Variants in ADGRE3 observed in about 807,000 individuals in gnomAD.
ADGRE3 encodes the protein EGF-like module receptor 3.
ADGRE3 carries 88 observed loss-of-function variants against 80.1 expected under a neutral mutation model. That is an observed-to-expected ratio of 1.10 (90% CI 0.93 to 1.31). ADGRE3 has a LOEUF of 1.31. Ranked by LOEUF, ADGRE3 falls within the 40% of genes most tolerant of loss-of-function variation. ADGRE3 has a pLI of 0.00. For synonymous variants in ADGRE3, 281 were observed against 294.8 expected (o/e 0.95, Z 0.48); for missense variants, 715 against 776.5 (o/e 0.92, Z 0.94).
Position 14,655,015 on chromosome 19 carries a change from G to A in ADGRE3, c.544C>T (p.Gln182Ter), listed in dbSNP as rs539327956. The A allele has an allele frequency of 1.9e-6, 3 of 1,613,678 alleles. No homozygotes were observed. Among genetic ancestry groups the A allele is most frequent in the Admixed American group, 1.7e-5 (1 of 59,924 alleles). ...TCGTTTTGGATTTTCAGGACTTTTTGTTCTGGATCTTTCAAGGCAGTTTCT... is the reference window on the plus strand; with the variant it reads ...TCGTTTTGGATTTTCAGGACTTTTTATTCTGGATCTTTCAAGGCAGTTTCT... ...VLETALKDPE[Q>*]KVLKIQNDSV... The change falls in exon 6 of 16, where the codon CAA becomes TAA. Residue 182 changes from glutamine (Q) to a stop codon, truncating the protein, a stop_gained. Transcript: ENST00000253673. LOFTEE classifies it high-confidence loss of function.
intron 10 of ADGRE3, among the ~76,000 whole-genome samples, chr19:14,639,248 T>C (rs1471075188): frequency 6.6e-6 from 1 of 152,214 alleles, no homozygotes; most frequent in Non-Finnish European, 1.5e-5. Context: ...ATGGAAGTGA[T>C]AGATATGTTT....
chr19:14,617,338 C>CTTTCTTTCTTTCTTTCTTTCT (rs1346705706), downstream of ADGRE3, among the ~76,000 whole-genome samples: 1 of 96,300 alleles, frequency 1.0e-5, no homozygotes, highest in South Asian at 3.5e-4. Flanking sequence ...CCCTCCCTCC[C>CTTTCTTTCTTTCTTTCTTTCT]TCCCTTTCTT....
At chr19:14,610,308 C>G in the ADGRE3 span, 6 of 1,437,650 alleles carry the variant, frequency 4.2e-6, no homozygotes, top group African/African-American at 1.4e-5. Context: ...AGATGTGCCT[C>G]AAACAGGATT....
chr19:14,646,787 T>C (rs1050778039), intron 8 of ADGRE3, among the ~76,000 whole-genome samples: 2 of 151,054 alleles, frequency 1.3e-5, no homozygotes, highest in African/African-American at 4.9e-5. Flanking sequence ...TTTCTTCTTC[T>C]TCCGACAGTG....
intron 14 of ADGRE3, among the ~76,000 whole-genome samples, chr19:14,629,821 T>C (rs1442599579): frequency 6.6e-6 from 1 of 152,232 alleles, no homozygotes; most frequent in Non-Finnish European, 1.5e-5. Flanking sequence ...GCATGATTTT[T>C]TTTTGACATA....
chr19:14,633,185 G>A (rs1462736288), intron 12 of ADGRE3, 51 bp downstream of exon 12: 1 of 1,517,340 alleles, frequency 6.6e-7, no homozygotes, highest in South Asian at 1.1e-5. Context: ...CTTGTACCCA[G>A]CACTTCTCTT....
At chr19:14,624,935 G>T (rs1278832178) in intron 15 of ADGRE3, among the ~76,000 whole-genome samples, 1 of 151,894 alleles carries the variant, frequency 6.6e-6, no homozygotes, top group Non-Finnish European at 1.5e-5. Flanking sequence ...ACGTTGGAGG[G>T]GGGAGAGCAT....
chr19:14,645,451 G>A (rs918663880), intron 8 of ADGRE3, among the ~76,000 whole-genome samples: 2 of 152,082 alleles, frequency 1.3e-5, no homozygotes, highest in African/African-American at 4.8e-5. Flanking sequence ...CTAAAGTCAG[G>A]ACTTGGAGAC....
At chr19:14,642,238 A>G (rs1187125142) in intron 9 of ADGRE3, among the ~76,000 whole-genome samples, 4 of 152,158 alleles carry the variant, frequency 2.6e-5, no homozygotes, top group Admixed American at 2.6e-4. Context: ...TTTTTGGGCC[A>G]TGGTGTCTCA....
intron 11 of ADGRE3, 37 bp from the exon 12 acceptor site, chr19:14,633,339 A>G: frequency 6.7e-7 from 1 of 1,498,608 alleles, no homozygotes; most frequent in Non-Finnish European, 9.2e-7. Flanking sequence ...AAGAGAGATC[A>G]GAGAAAGTGC....
intron 11 of ADGRE3, among the ~76,000 whole-genome samples, chr19:14,636,867 A>G (rs4267456): frequency 0.93 from 141,231 of 152,148 alleles, 65,607 homozygotes; most frequent in African/African-American, 0.94. Flanking sequence ...GCCGAGGTGC[A>G]TGGATCACCT....
At chr19:14,655,593 T>C (rs1971732262) in intron 5 of ADGRE3, among the ~76,000 whole-genome samples, 1 of 152,136 alleles carries the variant, frequency 6.6e-6, no homozygotes, top group African/African-American at 2.4e-5. Context: ...GTAGCTGGGA[T>C]TACAGGTGCA....
rs1429874410 is a variant in ADGRE3, at chr19:14,619,169, AG to A, written c.*263del. On this transcript the variant is annotated 3_prime_UTR_variant, in exon 16 of 16. Coordinates refer to ENST00000253673, the MANE Select transcript of ADGRE3 (RefSeq NM_032571.5). ...GAAAAGGACCTCTTCATTTACAAAA[AG>A]TCAAGGAAATATTTGCAGTGGTCAT... 2.3e-6 allele frequency: 1 copy of A among 444,208 alleles called. No homozygotes were observed. Among genetic ancestry groups the A allele is most frequent in the African/African-American group, 2.1e-5 (1 of 48,390 alleles). The allele number at this position is 444,208 out of a possible 1,614,324, so 27.5% of individuals were successfully genotyped here.
intron 2 of ADGRE3, 171 bp downstream of exon 2, chr19:14,668,631 C>A: frequency 1.8e-6 from 1 of 565,532 alleles, no homozygotes; most frequent in Non-Finnish European, 3.2e-6. Context: ...AAAAGGCTAT[C>A]CATATTTGAT....
In ADGRE3 at chr19:14,643,144, G is replaced by GTTTTT. The variant is rs373306807; in HGVS notation, c.1050+959_1050+963dup. Among the ~76,000 whole-genome samples the GTTTTT allele has an allele frequency of 5.6e-5, 7 of 124,066 alleles. 1 individual carries two copies. Among genetic ancestry groups the GTTTTT allele is most frequent in the African/African-American group, 1.2e-4 (4 of 33,294 alleles). The allele number at this position is 124,066 out of a possible 152,430, so 81.4% of individuals were successfully genotyped here. The stretch of plus-strand genomic sequence containing the variant: ...CATGATGTGGTTTATAGTAATCATG[G>GTTTTT]TTTTTTTTTTTTTTTTTTTTTAGAC... On this transcript the variant is annotated intron_variant, in intron 9 of 15. Transcript: ENST00000253673.
the ADGRE3 span, among the ~76,000 whole-genome samples, chr19:14,601,716 T>C: frequency 2.6e-5 from 4 of 152,172 alleles, no homozygotes; most frequent in South Asian, 4.1e-4. Context: ...AGTCCTAGGC[T>C]CAAGCAATTC....
chr19:14,671,221 T>C (rs969053593), intron 1 of ADGRE3, among the ~76,000 whole-genome samples: 24 of 149,880 alleles, frequency 1.6e-4, no homozygotes, highest in African/African-American at 5.6e-4. Context: ...CAACACTGAT[T>C]TATTATTCTC....
intron 15 of ADGRE3, among the ~76,000 whole-genome samples, chr19:14,619,701 A>C (rs1970479433): frequency 6.6e-6 from 1 of 152,152 alleles, no homozygotes; most frequent in African/African-American, 2.4e-5. Flanking sequence ...TTTTTGATAA[A>C]TTTTCAGACA....
rs1568479521 is a variant in ADGRE3, at chr19:14,633,714, AAAATAAAAT to A, written c.1485-421_1485-413del. On this transcript the variant is annotated intron_variant, in intron 11 of 15. Coordinates refer to ENST00000253673, the MANE Select transcript of ADGRE3 (RefSeq NM_032571.5). The stretch of plus-strand genomic sequence containing the variant: ...ACTGAGACTCCGTCTCAAAAAAAAT[AAAATAAAAT>A]AAAATAAAATAAAATAAAATAAAAT... 2.1e-3 allele frequency among the ~76,000 whole-genome samples: 218 copies of A among 102,760 alleles called. 12 individuals carry two copies. The highest frequency in any genetic ancestry group is 0.01 in the African/African-American group (205 of 20,360). 67.4% of individuals were successfully genotyped at this position (102,760 alleles called of 152,430 possible). A position where few individuals can be genotyped will look rare whatever the true frequency, so the allele number is the denominator to read the frequency against.
Sources: gnomAD v4.1 joint callset for allele counts (sites outside exome capture counted in the v4.1 genomes callset) on GRCh38, gnomAD v4.1.1 for gene constraint, MANE v1.5 for transcripts, NCBI Gene and HGNC (gene_info 2026-07-23, HGNC 2026-07-21) for gene names.